The following SAMMSON variants were observed in gnomAD, a reference collection of about 807,000 sequenced individuals.
SAMMSON encodes the protein long intergenic non-protein coding RNA 1212.
At chr3:70,115,712 T>C (rs183285626) in intron 4 of SAMMSON, among the ~76,000 whole-genome samples, 98 of 152,042 alleles carry the variant, frequency 6.4e-4, no homozygotes, top group Admixed American at 1.9e-3. Flanking sequence ...TCTACAGACA[T>C]AGGAATTTAT....
chr3:70,306,862 G>T (rs1702406071), intron 7 of SAMMSON, among the ~76,000 whole-genome samples: 1 of 151,932 alleles, frequency 6.6e-6, no homozygotes, highest in South Asian at 2.1e-4. Flanking sequence ...TCATATGATT[G>T]GTGTCTTGAC....
At chr3:70,205,333 T>G (rs1229252713) in intron 4 of SAMMSON, 1 of 152,084 alleles carries the variant, frequency 6.6e-6, no homozygotes, top group East Asian at 1.9e-4. Flanking sequence ...CCCTGTTGTT[T>G]ACTTCCAGCC....
intron 4 of SAMMSON, among the ~76,000 whole-genome samples, chr3:70,110,640 G>A (rs2067384781): frequency 6.6e-6 from 1 of 152,130 alleles, no homozygotes; most frequent in South Asian, 2.1e-4. Flanking sequence ...TGTAGGTCCA[G>A]CCACAACTCG....
At chr3:70,187,274 G>A (rs113406821) in intron 4 of SAMMSON, among the ~76,000 whole-genome samples, 5,073 of 152,226 alleles carry the variant, frequency 0.033, 151 homozygotes, top group Non-Finnish European at 0.046. Flanking sequence ...CCATGATGGA[G>A]AAGGGTCTCC....
intron 7 of SAMMSON, among the ~76,000 whole-genome samples, chr3:70,320,308 T>C (rs2106716470): frequency 6.6e-6 from 1 of 152,170 alleles, no homozygotes; most frequent in East Asian, 1.9e-4. Context: ...GCAATGACAG[T>C]GGGTTACCAT....
At chr3:70,385,610 A>T (rs571023944) in intron 9 of SAMMSON, among the ~76,000 whole-genome samples, 1 of 152,086 alleles carries the variant, frequency 6.6e-6, no homozygotes, top group Admixed American at 6.6e-5. Context: ...ACAGTCTGTG[A>T]TTGGGTGAGT....
At chr3:70,220,788 C>A (rs1701454769) in intron 4 of SAMMSON, among the ~76,000 whole-genome samples, 2 of 152,192 alleles carry the variant, frequency 1.3e-5, no homozygotes, top group Admixed American at 6.5e-5. Context: ...TTCAGTCTCT[C>A]TGAAGCGTTC....
At chr3:70,373,896 T>C (rs1370919165) in intron 9 of SAMMSON, among the ~76,000 whole-genome samples, 2 of 152,084 alleles carry the variant, frequency 1.3e-5, no homozygotes, top group African/African-American at 4.8e-5. Flanking sequence ...GTTGAAGTAT[T>C]TTTATGTTGA....
intron 9 of SAMMSON, among the ~76,000 whole-genome samples, chr3:70,360,683 G>T (rs192810735): frequency 6.6e-6 from 1 of 152,148 alleles, no homozygotes; most frequent in South Asian, 2.1e-4. Flanking sequence ...CTTAATCATT[G>T]AATTTTTGAA....
At chr3:70,291,012 C>T (rs1472592479) in intron 6 of SAMMSON, among the ~76,000 whole-genome samples, 1 of 152,332 alleles carries the variant, frequency 6.6e-6, no homozygotes, top group Middle Eastern at 3.4e-3. Context: ...GCAGAAATCA[C>T]CGGTCTTCTG....
chr3:70,414,945 T>C (rs539216339), intron 2 of SAMMSON, among the ~76,000 whole-genome samples: 13 of 152,122 alleles, frequency 8.5e-5, no homozygotes, highest in African/African-American at 3.1e-4. Context: ...TGGCTGAAAC[T>C]AAACAACCGC....
At chr3:70,013,897 G>A (rs982477731) in intron 3 of SAMMSON, 10 of 152,052 alleles carry the variant, frequency 6.6e-5, no homozygotes, top group African/African-American at 1.7e-4. Flanking sequence ...TAGATCCAAC[G>A]GCTCTCTGGA....
intron 1 of SAMMSON, among the ~76,000 whole-genome samples, chr3:70,007,241 T>C (rs1472834943): frequency 6.6e-6 from 1 of 152,178 alleles, no homozygotes; most frequent in African/African-American, 2.4e-5. Context: ...CCACAATGGT[T>C]GAACTAGTTT....
chr3:70,084,005 C>A, intron 4 of SAMMSON, among the ~76,000 whole-genome samples: 1 of 152,258 alleles, frequency 6.6e-6, no homozygotes, highest in Admixed American at 6.5e-5. Flanking sequence ...TTTCATCATT[C>A]AGGCTAATTG....
chr3:70,043,444 G>A (rs746004560), intron 3 of SAMMSON, among the ~76,000 whole-genome samples: 5 of 151,902 alleles, frequency 3.3e-5, no homozygotes, highest in Non-Finnish European at 2.9e-5. Context: ...TAAAATACAC[G>A]TACACATATT....
At chr3:70,271,056 T>TA (rs888468600) in intron 6 of SAMMSON, among the ~76,000 whole-genome samples, 65 of 150,770 alleles carry the variant, frequency 4.3e-4, no homozygotes, top group East Asian at 1.6e-3. Context: ...ATATTGAAAA[T>TA]AAAAAAAAAC....
At chr3:70,182,183 C>T (rs1168678901) in intron 4 of SAMMSON, among the ~76,000 whole-genome samples, 1 of 152,004 alleles carries the variant, frequency 6.6e-6, no homozygotes, top group African/African-American at 2.4e-5. Flanking sequence ...ATGGCATATG[C>T]CCTCAGAAAG....
chr3:70,346,153 A>T (rs1702748907), intron 7 of SAMMSON, among the ~76,000 whole-genome samples: 1 of 152,120 alleles, frequency 6.6e-6, no homozygotes, highest in African/African-American at 2.4e-5. Context: ...GATATCATTA[A>T]TTTTTTTGGA....
chr3:70,082,933 A>G (rs190796429), intron 4 of SAMMSON, among the ~76,000 whole-genome samples: 4 of 152,328 alleles, frequency 2.6e-5, no homozygotes, highest in Admixed American at 2.6e-4. Flanking sequence ...CCAAGATCAC[A>G]TTGGCTGGTA....
Sources: gnomAD v4.1 joint callset for allele counts (sites outside exome capture counted in the v4.1 genomes callset) on GRCh38, gnomAD v4.1.1 for gene constraint, MANE v1.5 for transcripts, NCBI Gene and HGNC (gene_info 2026-07-23, HGNC 2026-07-21) for gene names.